Variants in SCAF8 observed in about 807,000 individuals in gnomAD.
SCAF8 encodes SR-related CTD associated factor 8, also known as SR-related and CTD-associated factor 8.
Under a neutral mutation model 140.5 loss-of-function variants are expected in SCAF8, and 23 were observed. That is an observed-to-expected ratio of 0.16 (90% CI 0.12 to 0.23). The LOEUF (loss-of-function observed/expected upper bound fraction) is 0.23, where lower values mean the gene tolerates loss of function less well. Ranked by LOEUF, SCAF8 falls within the 10% of genes least tolerant of loss-of-function variation. The probability of loss-of-function intolerance (pLI) is 1.00; values close to 1 mark genes in which losing one functional copy is unlikely to be tolerated. For synonymous variants in SCAF8, 575 were observed against 528.9 expected (o/e 1.09, Z -1.20); for missense variants, 1,397 against 1,555.7 (o/e 0.90, Z 1.72).
intron 1 of SCAF8, chr6:154,742,165 A>G: frequency 1.8e-6 from 1 of 545,712 alleles, no homozygotes; most frequent in Non-Finnish European, 3.2e-6. Context: ...GTCTTAAAAG[A>G]GAGCGTCTAG....
intron 1 of SCAF8, among the ~76,000 whole-genome samples, chr6:154,763,023 A>AAT (rs1562432756): frequency 6.6e-6 from 1 of 152,084 alleles, no homozygotes. Flanking sequence ...CTCCATGATA[A>AAT]AGTGTTTTCC....
In SCAF8 at chr6:154,832,135, T is replaced by C; in HGVS notation, c.2556T>C (p.Ser852=). 1.2e-6 allele frequency: 2 copies of C among 1,614,116 alleles called. No homozygotes were observed. The highest frequency in any genetic ancestry group is 4.5e-5 in the East Asian group (2 of 44,876). ...AACCACCAAATATTCTAAATAACTC[T>C]GGAATATTGGGAATACAGCCACCCA... ...AAQPPNILNN[S]GILGIQPPSV... Residue 852 remains serine, a synonymous_variant, in exon 20 of 20, where the codon TCT becomes TCC. Coordinates refer to ENST00000367178, the MANE Select transcript of SCAF8 (RefSeq NM_014892.5).
Position 154,832,606 on chromosome 6 carries a change from A to G in SCAF8, c.3027A>G (p.Gln1009=), listed in dbSNP as rs1247694476. 1.9e-6 allele frequency: 3 copies of G among 1,614,040 alleles called. No homozygotes were observed. The African/African-American group carries it at 4.0e-5, about 22-fold the overall frequency. ...KRIPLGNDNI[Q]QEGDRDYRFP... ...TACCACTTGGGAATGATAACATTCAACAGGAAGGAGATAGAGATTACCGGT... is the reference window on the plus strand; with the variant it reads ...TACCACTTGGGAATGATAACATTCAGCAGGAAGGAGATAGAGATTACCGGT... The change falls in exon 20 of 20, where the codon CAA becomes CAG. Residue 1009 remains glutamine (Q), a synonymous_variant. Transcript: ENST00000367178.
intron 2 of SCAF8, among the ~76,000 whole-genome samples, chr6:154,775,529 C>T (rs2114848560): frequency 6.6e-6 from 1 of 152,254 alleles, no homozygotes; most frequent in Non-Finnish European, 1.5e-5. Flanking sequence ...TTTCAGATGT[C>T]AGACGGGTCT....
chr6:154,834,215 C>T lies in SCAF8; in HGVS notation c.*820C>T, dbSNP rs1778834432. The T allele has an allele frequency of 1.3e-5, 2 of 152,116 alleles. No individual in the cohort carries two copies. Among genetic ancestry groups the T allele is most frequent in the South Asian group, 4.1e-4 (2 of 4,824 alleles). 9.4% of individuals were successfully genotyped at this position (152,116 alleles called of 1,614,324 possible). A position where few individuals can be genotyped will look rare whatever the true frequency, so the allele number is the denominator to read the frequency against. On this transcript the variant is annotated 3_prime_UTR_variant, in exon 20 of 20. Coordinates refer to ENST00000367178, the MANE Select transcript of SCAF8 (RefSeq NM_014892.5). ...TACTTTGATATAAAAATCATGCAGC[C>T]TCCTCAGTATGTGTATAATATCTGT...
At chr6:154,767,981 AATC>A (rs1396741790) in intron 1 of SCAF8, among the ~76,000 whole-genome samples, 4 of 152,002 alleles carry the variant, frequency 2.6e-5, no homozygotes, top group Non-Finnish European at 4.4e-5. Context: ...CTTTTTCTCT[AATC>A]ATATTAGAGT....
intron 17 of SCAF8, among the ~76,000 whole-genome samples, chr6:154,824,685 G>C (rs1778512501): frequency 6.6e-6 from 1 of 152,296 alleles, no homozygotes; most frequent in Admixed American, 6.5e-5. Context: ...GCTCACATCT[G>C]TAATCCCAGC....
intron 1 of SCAF8, among the ~76,000 whole-genome samples, chr6:154,744,216 G>A (rs547668987): frequency 7.2e-5 from 11 of 152,180 alleles, no homozygotes; most frequent in African/African-American, 9.6e-5. Flanking sequence ...CGCTTGAACC[G>A]GGGAGGGAGA....
intron 12 of SCAF8, among the ~76,000 whole-genome samples, chr6:154,814,079 T>C (rs1352004256): frequency 4.0e-5 from 6 of 151,576 alleles, no homozygotes; most frequent in African/African-American, 7.4e-5. Context: ...GGCTTGCCTC[T>C]GTAATTCCAG....
chr6:154,814,116 G>A (rs755210216), intron 12 of SCAF8, among the ~76,000 whole-genome samples: 1 of 152,246 alleles, frequency 6.6e-6, no homozygotes, highest in Non-Finnish European at 1.5e-5. Flanking sequence ...GAGACCAGGA[G>A]TTTGAGACCA....
intron 13 of SCAF8, among the ~76,000 whole-genome samples, chr6:154,816,322 T>C (rs1222042217): frequency 6.6e-6 from 1 of 152,168 alleles, no homozygotes; most frequent in Admixed American, 6.5e-5. Context: ...GGTAAGAAAA[T>C]CAGTATGGCC....
chr6:154,759,708 C>T lies in SCAF8; in HGVS notation c.31-14281C>T, dbSNP rs183187147. Among the ~76,000 whole-genome samples, 491 of 150,180 alleles carry T rather than the reference C, an allele frequency of 3.3e-3. 4 individuals carry two copies. Among genetic ancestry groups the T allele is most frequent in the Non-Finnish European group, 5.9e-3 (401 of 67,682 alleles). On this transcript the variant is annotated intron_variant, in intron 1 of 19. Coordinates refer to ENST00000367178, the MANE Select transcript of SCAF8 (RefSeq NM_014892.5). ...GAGATGGAGTCTCGCTCTTGTCACCCGGGCTGGAGTGAAGTGGTGCGATCT... is the reference window on the plus strand; with the variant it reads ...GAGATGGAGTCTCGCTCTTGTCACCTGGGCTGGAGTGAAGTGGTGCGATCT...
chr6:154,805,545 C>A, intron 9 of SCAF8, 59 bp downstream of exon 9: 1 of 905,342 alleles, frequency 1.1e-6, no homozygotes, highest in Non-Finnish European at 1.6e-6. Context: ...TATAAATTGG[C>A]ATTTTTGTGG....
chr6:154,822,152 G>A (rs1167240122), intron 15 of SCAF8, 124 bp from the exon 16 acceptor site: 2 of 974,110 alleles, frequency 2.1e-6, no homozygotes, highest in Middle Eastern at 3.1e-4. Flanking sequence ...ACCTACGGTT[G>A]TGGATATATC....
rs1777489256 is a variant in SCAF8 at position 154,793,569 on chromosome 6, CT to C, written c.475+596del. On this transcript the variant is annotated intron_variant, in intron 5 of 19. Coordinates refer to ENST00000367178, the MANE Select transcript of SCAF8 (RefSeq NM_014892.5). ...GTGACTAACACCTGTAATCCTAGCA[CT>C]TTGGGAGGCCGAGGCAGGCAGATCG... 4.0e-5 allele frequency among the ~76,000 whole-genome samples: 6 copies of C among 151,544 alleles called. 1 individual carries two copies. Among genetic ancestry groups the C allele is most frequent in the African/African-American group, 1.5e-4 (6 of 41,354 alleles).
chr6:154,802,112 C>G lies in SCAF8; in HGVS notation c.748C>G (p.Leu250Val). The G allele has an allele frequency of 6.2e-7, 1 of 1,610,552 alleles. No individual in the cohort carries two copies. Among genetic ancestry groups the G allele is most frequent in the Non-Finnish European group, 8.5e-7 (1 of 1,178,442 alleles). The change falls in exon 7 of 20, where the codon CTT becomes GTT. Residue 250 changes from leucine (L) to valine (V), a missense_variant. Leu to Val is a conservative substitution (Grantham distance 32). This residue lies in a region of SCAF8 where 339 missense variants were observed against 407.5 expected (regional missense o/e 0.83). Transcript: ENST00000367178. The part of the protein sequence containing the change: ...LTAAAAAANT[L>V]TPLEQGVSFN... Reference sequence around the variant, plus strand: ...AGCTGCAGCTGCAGCTGCCAACACTCTTACTCCCTTAGAACAGGGAGTCTC... The same window carrying G: ...AGCTGCAGCTGCAGCTGCCAACACTGTTACTCCCTTAGAACAGGGAGTCTC...
intron 19 of SCAF8, among the ~76,000 whole-genome samples, 169 bp downstream of exon 19, chr6:154,831,309 C>A (rs1455627222): frequency 7.9e-5 from 12 of 151,844 alleles, no homozygotes; most frequent in Admixed American, 7.9e-4. Flanking sequence ...AAAAAGTGGC[C>A]TTCTGTTCAG....
chr6:154,753,734 C>T (rs1211795686), intron 1 of SCAF8, among the ~76,000 whole-genome samples: 1 of 152,166 alleles, frequency 6.6e-6, no homozygotes, highest in Non-Finnish European at 1.5e-5. Context: ...AGGTGGCCTA[C>T]CAGCCGTTTA....
intron 13 of SCAF8, among the ~76,000 whole-genome samples, chr6:154,817,268 T>C (rs1398731327): frequency 6.6e-6 from 1 of 152,214 alleles, no homozygotes; most frequent in African/African-American, 2.4e-5. Flanking sequence ...CAGGAATCAT[T>C]GCTCTGAACA....
Sources: gnomAD v4.1 joint callset for allele counts (sites outside exome capture counted in the v4.1 genomes callset) on GRCh38, gnomAD v4.1.1 for gene constraint, gnomAD v4.1.1 regional missense constraint, MANE v1.5 for transcripts, NCBI Gene and HGNC (gene_info 2026-07-23, HGNC 2026-07-21) for gene names.